Variants in CDH13 observed in about 807,000 individuals in gnomAD.
The protein encoded by CDH13 is cadherin-13.
CDH13 carries 24 observed loss-of-function variants against 63.8 expected under a neutral mutation model. That is an observed-to-expected ratio of 0.38 (90% CI 0.27 to 0.53). CDH13 has a LOEUF of 0.53. Among genes scored for constraint, CDH13 ranks in the 20% least tolerant of loss-of-function variants. The pLI is 0.85. For missense variants in CDH13, 1,049 were observed against 903.1 expected (o/e 1.16, Z -2.07); for synonymous variants, 503 against 355.3 (o/e 1.42, Z -4.67).
intron 11 of CDH13, among the ~76,000 whole-genome samples, chr16:83,777,842 A>G (rs1389736113): frequency 6.6e-6 from 1 of 152,234 alleles, no homozygotes; most frequent in African/African-American, 2.4e-5. Flanking sequence ...ATAAAATTAT[A>G]CTTGGAAATC....
At chr16:82,840,584 C>T (rs1278448692) in intron 1 of CDH13, among the ~76,000 whole-genome samples, 3 of 149,444 alleles carry the variant, frequency 2.0e-5, no homozygotes, top group Admixed American at 6.7e-5. Flanking sequence ...ACTTGGGTGG[C>T]TGAGGCAGGA....
chr16:83,713,271 A>G lies in CDH13; in HGVS notation c.1538+34810A>G, dbSNP rs186479658. On this transcript the variant is annotated intron_variant, in intron 10 of 13. Coordinates refer to ENST00000567109, the MANE Select transcript of CDH13 (RefSeq NM_001257.5). ...TTGATAGATGACAGTGTGCCAATCC[A>G]GCACACACCAGAAATGGTTACTCCA... Among the ~76,000 whole-genome samples, 711 of 152,336 alleles carry G rather than the reference A, an allele frequency of 4.7e-3. 3 individuals are homozygous for G. Among genetic ancestry groups the G allele is most frequent in the Middle Eastern group, 0.014 (4 of 294 alleles).
chr16:83,344,984 C>T lies in CDH13; in HGVS notation c.759C>T (p.His253=), dbSNP rs367662792. The T allele has an allele frequency of 4.4e-5, 71 of 1,613,836 alleles. 1 individual carries two copies. In the Admixed American group the frequency reaches 9.8e-4, roughly 22 times the overall value. ...PIFREGPYIG[H]VMEGSPTGTT... is the part of the protein sequence containing the mutation. ...TTCGGGAAGGCCCCTACATCGGCCA[C>T]GTCATGGAAGGGTCACCCACAGGTA... The change falls in exon 6 of 14, where the codon CAC becomes CAT. Residue 253 remains histidine (H), a synonymous_variant. Coordinates refer to ENST00000567109, the MANE Select transcript of CDH13 (RefSeq NM_001257.5).
intron 6 of CDH13, among the ~76,000 whole-genome samples, chr16:83,370,035 C>T (rs567003353): frequency 4.6e-5 from 7 of 152,254 alleles, no homozygotes; most frequent in African/African-American, 9.6e-5. Context: ...TCTCTCTGCC[C>T]GTATTTACCT....
intron 3 of CDH13, among the ~76,000 whole-genome samples, chr16:83,113,580 A>G (rs907094438): frequency 6.6e-6 from 1 of 152,230 alleles, no homozygotes; most frequent in Admixed American, 6.5e-5. Context: ...CTGACGACAC[A>G]GTGGCACTGA....
At chr16:83,365,137 G>A (rs1203845843) in intron 6 of CDH13, among the ~76,000 whole-genome samples, 3 of 152,202 alleles carry the variant, frequency 2.0e-5, no homozygotes, top group African/African-American at 7.2e-5. Context: ...GTCAGTAGCT[G>A]GAGAGCCAGG....
At chr16:83,114,998 A>G (rs1448366452) in intron 3 of CDH13, among the ~76,000 whole-genome samples, 2 of 152,228 alleles carry the variant, frequency 1.3e-5, no homozygotes, top group East Asian at 1.9e-4. Context: ...CCCCTGCAGT[A>G]TAGGTAGCTC....
At chr16:83,767,332 C>T (rs1044026157) in intron 11 of CDH13, among the ~76,000 whole-genome samples, 9 of 152,132 alleles carry the variant, frequency 5.9e-5, no homozygotes, top group African/African-American at 1.9e-4. Flanking sequence ...CAGTTTTCCC[C>T]GTACTGTTCT....
In CDH13 at chr16:82,858,370, G is replaced by A. The variant is rs779828587; in HGVS notation, c.54G>A (p.Leu18=). The change falls in exon 2 of 14, where the codon CTG becomes CTA. Residue 18 remains leucine (L), a synonymous_variant. Transcript: ENST00000567109. ...GGCTTTGGTTTTCTCAGGTGCTGCT[G>A]CTAACATCTGCAGAAGATTTGGACT... ...VLCVLLSQVL[L]LTSAEDLDCT... is the part of the protein sequence containing the mutation. 2 of 1,611,210 alleles carry A rather than the reference G, an allele frequency of 1.2e-6. No individual in the cohort carries two copies. The highest frequency in any genetic ancestry group is 1.7e-6 in the Non-Finnish European group (2 of 1,177,476).
intron 1 of CDH13, among the ~76,000 whole-genome samples, chr16:82,750,920 C>T (rs1293794637): frequency 2.0e-5 from 3 of 152,096 alleles, no homozygotes; most frequent in Non-Finnish European, 4.4e-5. Context: ...TTTAAATATT[C>T]TTAATTTAGA....
chr16:83,497,906 T>G (rs2074185319), intron 7 of CDH13, among the ~76,000 whole-genome samples: 1 of 152,172 alleles, frequency 6.6e-6, no homozygotes, highest in Non-Finnish European at 1.5e-5. Context: ...GAAGTTTGAT[T>G]ATAGGGACAG....
chr16:83,672,782 G>C (rs915629643), intron 9 of CDH13, among the ~76,000 whole-genome samples: 44 of 152,230 alleles, frequency 2.9e-4, no homozygotes, highest in African/African-American at 1.0e-3. Flanking sequence ...ATTTTGGGGA[G>C]GCCTGAGCTC....
At chr16:83,771,452 A>G (rs1243630177) in intron 11 of CDH13, among the ~76,000 whole-genome samples, 2 of 152,198 alleles carry the variant, frequency 1.3e-5, no homozygotes, top group Non-Finnish European at 2.9e-5. Flanking sequence ...GTCAGTGCTG[A>G]GTGGGAACGA....
intron 3 of CDH13, among the ~76,000 whole-genome samples, chr16:83,077,273 C>T (rs190252303): frequency 7.4e-6 from 1 of 134,288 alleles, no homozygotes; most frequent in African/African-American, 2.9e-5. Flanking sequence ...GCTCACTGGA[C>T]CTCTGCTTCC....
chr16:83,794,641 A>G (rs1331950943), intron 13 of CDH13, among the ~76,000 whole-genome samples: 1 of 152,056 alleles, frequency 6.6e-6, no homozygotes, highest in East Asian at 1.9e-4. Context: ...ATATATATAT[A>G]TAGTCACAGG....
intron 7 of CDH13, among the ~76,000 whole-genome samples, chr16:83,559,992 C>A (rs1453048131): frequency 6.6e-6 from 1 of 152,082 alleles, no homozygotes; most frequent in African/African-American, 2.4e-5. Context: ...CTGATACATC[C>A]CATACTGACA....
intron 1 of CDH13, chr16:82,824,629 A>G (rs1449924940): frequency 6.6e-6 from 1 of 152,224 alleles, no homozygotes; most frequent in Non-Finnish European, 1.5e-5. Flanking sequence ...GGACAGGCGA[A>G]CATGTTAAAT....
intron 1 of CDH13, among the ~76,000 whole-genome samples, chr16:82,682,623 G>A (rs1914664305): frequency 6.6e-6 from 1 of 152,168 alleles, no homozygotes; most frequent in African/African-American, 2.4e-5. Flanking sequence ...CATAAAACAT[G>A]CTTCTGGCAA....
At chr16:83,094,538 G>A (rs984603852) in intron 3 of CDH13, among the ~76,000 whole-genome samples, 2 of 152,136 alleles carry the variant, frequency 1.3e-5, no homozygotes, top group Non-Finnish European at 2.9e-5. Context: ...TTGAATGTAG[G>A]CTCATTTCAG....
Sources: allele counts gnomAD v4.1 joint callset (sites outside exome capture counted in the v4.1 genomes callset), GRCh38; gene constraint gnomAD v4.1.1; transcripts MANE v1.5; gene names NCBI Gene and HGNC (gene_info 2026-07-23, HGNC 2026-07-21).